STOM: variants seen among roughly 807,000 people sequenced by gnomAD.
The protein encoded by STOM is stomatin.
Under a neutral mutation model 30.6 loss-of-function variants are expected in STOM, and 25 were observed. That is an observed-to-expected ratio of 0.82 (90% CI 0.60 to 1.14). The LOEUF (loss-of-function observed/expected upper bound fraction) is 1.14. Among genes scored for constraint, STOM ranks in the 50% most tolerant of loss-of-function variants. The pLI is 0.00. For missense variants in STOM, 292 were observed against 365.2 expected (o/e 0.80, Z 1.63); for synonymous variants, 118 against 130.8 (o/e 0.90, Z 0.67).
chr9:121,352,151 C>G (rs2064345199), intron 4 of STOM, among the ~76,000 whole-genome samples: 2 of 152,156 alleles, frequency 1.3e-5, no homozygotes, highest in African/African-American at 4.8e-5. Flanking sequence ...GCTCAAGTCT[C>G]TTATATACAG....
intron 1 of STOM, among the ~76,000 whole-genome samples, chr9:121,369,612 A>C (rs914976298): frequency 6.6e-6 from 1 of 151,962 alleles, no homozygotes; most frequent in African/African-American, 2.4e-5. Context: ...GTAAGAAGAA[A>C]GCCAGAGAGA....
chr9:121,368,362 T>G (rs1210692598), intron 1 of STOM, among the ~76,000 whole-genome samples: 1 of 152,192 alleles, frequency 6.6e-6, no homozygotes, highest in Non-Finnish European at 1.5e-5. Context: ...TCCAAGCAGA[T>G]TTGCCACTGC....
chr9:121,356,004 T>C (rs1329397040), intron 2 of STOM, 49 bp downstream of exon 2: 2 of 1,464,654 alleles, frequency 1.4e-6, no homozygotes, highest in East Asian at 4.5e-5. Flanking sequence ...AGTAGGTTTA[T>C]GGAGGTAGGA....
intron 6 of STOM, among the ~76,000 whole-genome samples, chr9:121,345,164 G>T (rs889688953): frequency 6.6e-6 from 1 of 152,192 alleles, no homozygotes; most frequent in Non-Finnish European, 1.5e-5. Context: ...ACATATGAGT[G>T]CATTTCTGTT....
chr9:121,353,124 A>T, intron 4 of STOM, 96 bp downstream of exon 4: 1 of 512,440 alleles, frequency 2.0e-6, no homozygotes, highest in Admixed American at 4.4e-5. Context: ...AAAATTTAAA[A>T]TAAATAAATA....
In STOM at chr9:121,348,084, C is replaced by T; in HGVS notation, c.591G>A (p.Val197=). The T allele has an allele frequency of 6.2e-7, 1 of 1,614,238 alleles. No individual in the cohort carries two copies. Among genetic ancestry groups the T allele is most frequent in the Non-Finnish European group, 8.5e-7 (1 of 1,180,036 alleles). The part of the protein sequence containing the change: ...IKVERVEIKD[V]KLPVQLQRAM... ...CTCTCTGGAGCTGCACAGGTAGTTT[C>T]ACATCCTTAATTTCCACACGCTCCA... is the stretch of plus-strand genomic sequence containing the variant. Residue 197 remains valine (V), a synonymous_variant, in exon 6 of 7, where the codon GTG becomes GTA. Coordinates refer to ENST00000286713, the MANE Select transcript of STOM (RefSeq NM_004099.6).
intron 1 of STOM, among the ~76,000 whole-genome samples, chr9:121,357,337 C>A (rs1340992204): frequency 1.3e-5 from 2 of 150,566 alleles, no homozygotes; most frequent in East Asian, 2.0e-4. Context: ...AGAAGTATAA[C>A]AAAGGAGGGA....
chr9:121,351,206 T>G (rs1435868851), intron 4 of STOM, among the ~76,000 whole-genome samples: 1 of 152,216 alleles, frequency 6.6e-6, no homozygotes, highest in African/African-American at 2.4e-5. Context: ...TCTGTAATGT[T>G]TATAGTGGAA....
At chr9:121,366,675 C>T (rs1336223393) in intron 1 of STOM, among the ~76,000 whole-genome samples, 1 of 152,132 alleles carries the variant, frequency 6.6e-6, no homozygotes, top group Non-Finnish European at 1.5e-5. Flanking sequence ...GTTATTTACT[C>T]CAGGGGGATT....
At chr9:121,343,988 C>T (rs989395215) in intron 6 of STOM, among the ~76,000 whole-genome samples, 8 of 151,970 alleles carry the variant, frequency 5.3e-5, no homozygotes, top group African/African-American at 1.9e-4. Flanking sequence ...TCTCCCTCCC[C>T]GAAGGAGGGC....
At chr9:121,365,040 T>C (rs2064489383) in intron 1 of STOM, among the ~76,000 whole-genome samples, 1 of 151,962 alleles carries the variant, frequency 6.6e-6, no homozygotes, top group African/African-American at 2.4e-5. Context: ...GATGAGTAAA[T>C]AAGCTAATAT....
At chr9:121,359,666 CA>C (rs918320830) in intron 1 of STOM, among the ~76,000 whole-genome samples, 15 of 152,078 alleles carry the variant, frequency 9.9e-5, no homozygotes, top group African/African-American at 2.9e-4. Context: ...ATCCCTTTTA[CA>C]AATGAGTTAC....
intron 4 of STOM, among the ~76,000 whole-genome samples, chr9:121,352,832 T>G (rs1312091086): frequency 6.6e-6 from 1 of 152,188 alleles, no homozygotes; most frequent in Non-Finnish European, 1.5e-5. Context: ...CGGTGGCTCA[T>G]GCCTGTAATC....
At chr9:121,358,048 C>G (rs1197986593) in intron 1 of STOM, among the ~76,000 whole-genome samples, 1 of 151,980 alleles carries the variant, frequency 6.6e-6, no homozygotes, top group Non-Finnish European at 1.5e-5. Context: ...CACCTGTAAT[C>G]CCAGCACTTT....
intron 1 of STOM, among the ~76,000 whole-genome samples, chr9:121,358,899 A>G (rs1307417094): frequency 6.6e-6 from 1 of 151,940 alleles, no homozygotes. Flanking sequence ...GACTTCCTTC[A>G]TCTGGTGTGC....
Position 121,363,784 on chromosome 9 carries a change from C to A in STOM, c.61+6343G>T, listed in dbSNP as rs532188648. ...CCAACTATTTATTTGAGGAGGAAGACTTGCATAAATTAAATAATGCATTTG... is the reference window on the plus strand; with the variant it reads ...CCAACTATTTATTTGAGGAGGAAGAATTGCATAAATTAAATAATGCATTTG... On this transcript the variant is annotated intron_variant, in intron 1 of 6. Coordinates refer to ENST00000286713, the MANE Select transcript of STOM (RefSeq NM_004099.6). Among the ~76,000 whole-genome samples, 3 of 152,288 alleles carry A rather than the reference C, an allele frequency of 2.0e-5. No homozygotes were observed. In the East Asian group the frequency reaches 5.8e-4, roughly 29 times the overall value.
At chr9:121,345,466 C>T (rs531819912) in intron 6 of STOM, among the ~76,000 whole-genome samples, 9 of 152,132 alleles carry the variant, frequency 5.9e-5, no homozygotes, top group African/African-American at 2.2e-4. Flanking sequence ...TAGATTATTC[C>T]ACTCTATCTC....
intron 1 of STOM, among the ~76,000 whole-genome samples, chr9:121,368,218 A>C (rs886821174): frequency 6.6e-6 from 1 of 152,210 alleles, no homozygotes; most frequent in East Asian, 1.9e-4. Flanking sequence ...TTTTCATTAG[A>C]TCTTGAAAGA....
intron 5 of STOM, 110 bp downstream of exon 5, chr9:121,349,010 A>T: frequency 7.9e-7 from 1 of 1,265,404 alleles, no homozygotes; most frequent in Non-Finnish European, 1.1e-6. Context: ...AGAAAAAAAA[A>T]CGGTCACAGA....
Sources: gnomAD v4.1 joint callset for allele counts (sites outside exome capture counted in the v4.1 genomes callset) on GRCh38, gnomAD v4.1.1 for gene constraint, MANE v1.5 for transcripts, NCBI Gene and HGNC (gene_info 2026-07-23, HGNC 2026-07-21) for gene names.